The following ANKS1A variants were observed in gnomAD, a reference collection of about 807,000 sequenced individuals.
The protein encoded by ANKS1A is ankyrin repeat and sterile alpha motif domain containing 1A.
Under a neutral mutation model 120.3 loss-of-function variants are expected in ANKS1A, and 55 were observed. That is an observed-to-expected ratio of 0.46 (90% CI 0.37 to 0.57). The LOEUF is 0.57. Among genes scored for constraint, ANKS1A ranks in the 20% least tolerant of loss-of-function variants. ANKS1A has a pLI of 0.00. For missense variants in ANKS1A, 1,123 were observed against 1,480.3 expected (o/e 0.76, Z 3.96); for synonymous variants, 590 against 604.7 (o/e 0.98, Z 0.36).
intron 9 of ANKS1A, among the ~76,000 whole-genome samples, chr6:34,991,539 TATACACACACACACAC>T (rs757451712): frequency 1.3e-4 from 11 of 85,072 alleles, no homozygotes; most frequent in Middle Eastern, 7.1e-3. Context: ...AAAAAAAATA[TATACACACACACACAC>T]ACACACACAC....
rs576677499 is a variant in ANKS1A at position 34,896,148 on chromosome 6, C to A, written c.197+6549C>A. On this transcript the variant is annotated intron_variant, in intron 1 of 23. Coordinates refer to ENST00000360359, the MANE Select transcript of ANKS1A (RefSeq NM_015245.3). ...ACAGTGGTGCAATCTCAGCTCACTG[C>A]AACCTCTGCCTCTCAGGTTCAAGTA... 2.0e-5 allele frequency among the ~76,000 whole-genome samples: 3 copies of A among 151,692 alleles called. No individual in the cohort carries two copies. In the East Asian group the frequency reaches 5.8e-4, roughly 29 times the overall value.
intron 1 of ANKS1A, among the ~76,000 whole-genome samples, chr6:34,921,448 A>G (rs552783100): frequency 6.6e-6 from 1 of 152,352 alleles, no homozygotes. Context: ...TCTACTTTCT[A>G]TGCTAAGAAT....
intron 13 of ANKS1A, among the ~76,000 whole-genome samples, chr6:35,076,967 A>G (rs78976311): frequency 0.028 from 4,226 of 152,202 alleles, 99 homozygotes; most frequent in Non-Finnish European, 0.039. Context: ...GGGCAGGTCC[A>G]GCGTGGAGTA....
chr6:35,054,493 T>C (rs1269645992), intron 12 of ANKS1A, among the ~76,000 whole-genome samples: 1 of 152,222 alleles, frequency 6.6e-6, no homozygotes, highest in Non-Finnish European at 1.5e-5. Flanking sequence ...AGAGTGCACC[T>C]CAGCGTTGGT....
intron 11 of ANKS1A, chr6:35,039,440 GC>G: frequency 5.3e-6 from 2 of 377,684 alleles, no homozygotes; most frequent in Non-Finnish European, 1.1e-5. Context: ...CAGGTGATCC[GC>G]CCACCTCAGC....
intron 13 of ANKS1A, among the ~76,000 whole-genome samples, chr6:35,074,912 G>A (rs1478013849): frequency 1.3e-5 from 2 of 152,358 alleles, no homozygotes; most frequent in East Asian, 1.9e-4. Flanking sequence ...CACACGGGGC[G>A]GGGGCCAAGC....
chr6:35,086,191 G>GCTGCAGAGAGCGGC lies in ANKS1A; in HGVS notation c.3303+262_3303+275dup. 7.7e-7 allele frequency: 1 copy of GCTGCAGAGAGCGGC among 1,300,972 alleles called. No individual in the cohort carries two copies. The allele number at this position is 1,300,972 out of a possible 1,614,324, so 80.6% of individuals were successfully genotyped here. ...CCCCCAAGGGCAAGGCCGTCAAGGG[G>GCTGCAGAGAGCGGC]CTGCAGAGAGCGGCCTGCAGGCAGC... On this transcript the variant is annotated intron_variant, in intron 22 of 23. Coordinates refer to ENST00000360359, the MANE Select transcript of ANKS1A (RefSeq NM_015245.3). This position sits in a 1 kb window ranked among gnomAD's most constrained non-coding sequence, Gnocchi z 5.1.
intron 10 of ANKS1A, among the ~76,000 whole-genome samples, chr6:35,005,402 T>C (rs1773397340): frequency 6.6e-6 from 1 of 152,228 alleles, no homozygotes; most frequent in South Asian, 2.1e-4. Context: ...ACATAGAAAT[T>C]AGTGGTAGTG....
intron 11 of ANKS1A, among the ~76,000 whole-genome samples, chr6:35,020,215 A>C (rs1774263764): frequency 6.6e-6 from 1 of 152,192 alleles, no homozygotes; most frequent in East Asian, 1.9e-4. Context: ...CCAACTGTGG[A>C]TAGAAATATT....
At chr6:35,020,212 T>C (rs1774263422) in intron 11 of ANKS1A, among the ~76,000 whole-genome samples, 1 of 152,042 alleles carries the variant, frequency 6.6e-6, no homozygotes, top group Non-Finnish European at 1.5e-5. Context: ...TAGCCAACTG[T>C]GGATAGAAAT....
At chr6:35,088,392 G>C (rs143916073) in intron 23 of ANKS1A, among the ~76,000 whole-genome samples, 2 of 152,152 alleles carry the variant, frequency 1.3e-5, no homozygotes, top group Non-Finnish European at 1.5e-5. Context: ...TGGGTCCTGC[G>C]TACCCACCCA....
intron 12 of ANKS1A, among the ~76,000 whole-genome samples, chr6:35,056,918 T>C (rs820089): frequency 0.4 from 61,229 of 151,310 alleles, 12,716 homozygotes; most frequent in East Asian, 0.61. Context: ...CAGGGAGTAC[T>C]GTCTTCAGCT....
At chr6:35,016,139 A>G (rs754723557) in intron 10 of ANKS1A, among the ~76,000 whole-genome samples, 1 of 152,340 alleles carries the variant, frequency 6.6e-6, no homozygotes, top group Non-Finnish European at 1.5e-5. Context: ...GCCCAATAAG[A>G]TGAAATCACT....
chr6:35,059,814 G>A (rs530206316), intron 12 of ANKS1A, among the ~76,000 whole-genome samples: 16 of 152,162 alleles, frequency 1.1e-4, no homozygotes, highest in African/African-American at 3.9e-4. Context: ...TTGACCTGGA[G>A]ACTGTTGGGA....
intron 10 of ANKS1A, among the ~76,000 whole-genome samples, chr6:35,002,232 G>A (rs918537984): frequency 5.3e-5 from 8 of 151,832 alleles, no homozygotes; most frequent in Non-Finnish European, 1.0e-4. Context: ...ATTCTAGTGC[G>A]CCCAACCTCC....
intron 11 of ANKS1A, among the ~76,000 whole-genome samples, chr6:35,035,621 A>G (rs950629116): frequency 6.6e-6 from 1 of 152,062 alleles, no homozygotes; most frequent in Non-Finnish European, 1.5e-5. Flanking sequence ...GTCTTAGGGT[A>G]GATGTTTGTT....
intron 1 of ANKS1A, among the ~76,000 whole-genome samples, chr6:34,957,761 G>A (rs1770443875): frequency 6.6e-6 from 1 of 152,186 alleles, no homozygotes; most frequent in South Asian, 2.1e-4. Flanking sequence ...CCACAGAGAT[G>A]CACGCTGTTT....
chr6:35,011,737 G>A lies in ANKS1A; in HGVS notation c.1424-5736G>A, dbSNP rs1309888202. Reference sequence around the variant, plus strand: ...TAAATCAGTCTCCTTTGCAGAGTCAGGAGAAGGGAAACCAGCCTCTCTGTG... The same window carrying A: ...TAAATCAGTCTCCTTTGCAGAGTCAAGAGAAGGGAAACCAGCCTCTCTGTG... On this transcript the variant is annotated intron_variant, in intron 10 of 23. Coordinates refer to ENST00000360359, the MANE Select transcript of ANKS1A (RefSeq NM_015245.3). 2.0e-5 allele frequency among the ~76,000 whole-genome samples: 3 copies of A among 152,208 alleles called. No individual in the cohort carries two copies. The East Asian group carries it at 5.8e-4, about 29-fold the overall frequency.
At chr6:35,053,031 T>C (rs779226774) in intron 11 of ANKS1A, among the ~76,000 whole-genome samples, 2 of 152,208 alleles carry the variant, frequency 1.3e-5, no homozygotes, top group Non-Finnish European at 2.9e-5. Flanking sequence ...TGGCGCTTGC[T>C]CTGTGCTCTT....
Sources: allele counts gnomAD v4.1 joint callset (sites outside exome capture counted in the v4.1 genomes callset), GRCh38; gene constraint gnomAD v4.1.1; non-coding constraint Gnocchi (gnomAD v3.1); transcripts MANE v1.5; gene names NCBI Gene and HGNC (gene_info 2026-07-23, HGNC 2026-07-21).